Variants in CPNE2 observed in about 807,000 individuals in gnomAD.
CPNE2 encodes copine 2, also known as copine-2.
A neutral mutation model predicts 69.7 loss-of-function variants in CPNE2; 42 were observed. The observed-to-expected ratio is 0.60, with a 90% CI of 0.47 to 0.78. The LOEUF (loss-of-function observed/expected upper bound fraction) is 0.78. Among genes scored for constraint, CPNE2 ranks in the 30% least tolerant of loss-of-function variants. The pLI, the probability that CPNE2 is intolerant of heterozygous loss-of-function variation, is 0.00. For synonymous variants in CPNE2, 294 were observed against 289.8 expected, an observed-to-expected ratio of 1.01 and a Z score of -0.15; for missense variants, 587 against 732.0, an observed-to-expected ratio of 0.80 and a Z score of 2.29.
At chr16:57,126,136 C>T (rs1468966084) in intron 11 of CPNE2, 143 bp downstream of exon 11, 5 of 1,062,806 alleles carry the variant, frequency 4.7e-6, no homozygotes, top group Non-Finnish European at 6.7e-6. Flanking sequence ...TTACCCATTC[C>T]CATACCCTTG....
chr16:57,128,307 G>A (rs1445882005), intron 12 of CPNE2, among the ~76,000 whole-genome samples: 1 of 152,102 alleles, frequency 6.6e-6, no homozygotes, highest in Non-Finnish European at 1.5e-5. Flanking sequence ...TCCACTTACA[G>A]CAACCTCCGC....
intron 14 of CPNE2, chr16:57,145,855 G>C: frequency 3.5e-6 from 2 of 567,418 alleles, no homozygotes; most frequent in Non-Finnish European, 6.3e-6. Context: ...CAGGAGGGGA[G>C]AGCAGTTTGT....
At chr16:57,143,107 C>G (rs575635377) in intron 14 of CPNE2, 1 of 152,380 alleles carries the variant, frequency 6.6e-6, no homozygotes, top group Non-Finnish European at 1.5e-5. Flanking sequence ...ACCCTCCGTT[C>G]TCTCCATCTA....
At chr16:57,146,000 C>T (rs555709455) in intron 14 of CPNE2, 85 bp from the exon 15 acceptor site, 954 of 1,171,506 alleles carry the variant, frequency 8.1e-4, no homozygotes, top group Non-Finnish European at 1.1e-3. Flanking sequence ...CTCCAGGACT[C>T]GGAGGGTTTG....
chr16:57,121,086 AC>A lies in CPNE2; in HGVS notation c.682-3del. On this transcript the variant is annotated splice_region_variant and splice_polypyrimidine_tract_variant and intron_variant, in intron 7 of 15. Transcript: ENST00000290776. ...GCTCTGGGGTGACCGTGCTGAACCC[AC>A]CCCAGGTCATGTGCTACGACTATGA... 1.2e-6 allele frequency: 2 copies of A among 1,611,730 alleles called. No individual in the cohort carries two copies. The highest frequency in any genetic ancestry group is 1.7e-6 in the Non-Finnish European group (2 of 1,178,582).
At chr16:57,127,379 G>C (rs1003924468) in intron 11 of CPNE2, among the ~76,000 whole-genome samples, 4 of 152,196 alleles carry the variant, frequency 2.6e-5, no homozygotes, top group African/African-American at 9.7e-5. Flanking sequence ...GGGTGTGAAG[G>C]GGCGTGGGTG....
At chr16:57,102,194 C>T (rs1289730406) in intron 1 of CPNE2, among the ~76,000 whole-genome samples, 6 of 152,134 alleles carry the variant, frequency 3.9e-5, no homozygotes, top group African/African-American at 1.4e-4. Context: ...TCGAGATCCA[C>T]CTGCCTCGGC....
At chr16:57,134,202 C>T (rs1304684370) in intron 12 of CPNE2, among the ~76,000 whole-genome samples, 13 of 152,106 alleles carry the variant, frequency 8.5e-5, no homozygotes. Context: ...GGATGAGTCC[C>T]TAGGGAGCCT....
chr16:57,107,285 G>T (rs769842771), intron 1 of CPNE2, among the ~76,000 whole-genome samples: 27 of 152,198 alleles, frequency 1.8e-4, no homozygotes, highest in Non-Finnish European at 2.6e-4. Flanking sequence ...CTGTCCTGAT[G>T]CTCTGAGCTC....
At position 57,115,443 on chromosome 16, in the gene CPNE2, C is replaced by A. The variant is rs535037978; in HGVS notation, c.361-33C>A. 27 of 1,558,176 alleles carry A rather than the reference C, an allele frequency of 1.7e-5. No individual in the cohort carries two copies. The East Asian group carries it at 5.0e-4, about 29-fold the overall frequency. ...TTCCTTCCCGGGCTTCCCCCGCTTCCTCACTGAGCGCCCTTTCTCCTCTCT... is the reference window on the plus strand; with the variant it reads ...TTCCTTCCCGGGCTTCCCCCGCTTCATCACTGAGCGCCCTTTCTCCTCTCT... On this transcript the variant is annotated intron_variant, in intron 3 of 15. Coordinates refer to ENST00000290776, the MANE Select transcript of CPNE2 (RefSeq NM_152727.6).
intron 1 of CPNE2, among the ~76,000 whole-genome samples, chr16:57,099,303 G>A (rs1299783225): frequency 1.3e-5 from 2 of 152,230 alleles, no homozygotes; most frequent in Non-Finnish European, 2.9e-5. Flanking sequence ...TTGGCTGTAT[G>A]TGGTCTGCTG....
chr16:57,101,981 C>G (rs1260529402), intron 1 of CPNE2, among the ~76,000 whole-genome samples: 1 of 150,746 alleles, frequency 6.6e-6, no homozygotes, highest in East Asian at 1.9e-4. Flanking sequence ...GGGTCTCACT[C>G]TGTTGCCCAG....
intron 14 of CPNE2, chr16:57,145,826 T>G: frequency 2.0e-6 from 1 of 505,922 alleles, no homozygotes; most frequent in Non-Finnish European, 3.6e-6. Flanking sequence ...CAAGGGGGAG[T>G]CTAAGATAAC....
chr16:57,131,080 C>T (rs965942753), intron 12 of CPNE2, among the ~76,000 whole-genome samples: 16 of 152,266 alleles, frequency 1.1e-4, no homozygotes, highest in African/African-American at 3.4e-4. Flanking sequence ...TCCCATTTTA[C>T]AGGGCAATAA....
At position 57,123,843 on chromosome 16, in the gene CPNE2, C is replaced by T. The variant is rs2069780607; in HGVS notation, c.927+370C>T. ...TCACTGGGCTCTAACCACACTCTTC[C>T]TCTGTTTGCCCAACATGCCAAGCTT... On this transcript the variant is annotated intron_variant, in intron 10 of 15. Transcript: ENST00000290776. The T allele has an allele frequency of 2.4e-5, 7 of 293,112 alleles. No homozygotes were observed. The South Asian group carries it at 4.1e-4, about 17-fold the overall frequency. 18.2% of individuals were successfully genotyped at this position (293,112 alleles called of 1,614,324 possible).
intron 7 of CPNE2, 65 bp downstream of exon 7, chr16:57,119,715 C>A: frequency 8.8e-7 from 1 of 1,134,974 alleles, no homozygotes; most frequent in Non-Finnish European, 1.3e-6. Flanking sequence ...CTACCTGAGG[C>A]TCCCGGGGAT....
intron 9 of CPNE2, among the ~76,000 whole-genome samples, chr16:57,122,883 A>C (rs1218439636): frequency 6.7e-6 from 1 of 148,962 alleles, no homozygotes; most frequent in Non-Finnish European, 1.5e-5. Context: ...ATGAGCCACT[A>C]TACCTGGCCT....
rs532390608 is a variant in CPNE2, at chr16:57,107,527, G to A, written c.-35-3181G>A. 7.2e-5 allele frequency among the ~76,000 whole-genome samples: 11 copies of A among 152,296 alleles called. No homozygotes were observed. In the East Asian group the frequency reaches 9.7e-4, roughly 13 times the overall value. Reference sequence around the variant, plus strand: ...AGAGGCTGGCGCTCCAGAGTGCACCGTGGCCTGGGTGAAAGAGAGGAGGAG... The same window carrying A: ...AGAGGCTGGCGCTCCAGAGTGCACCATGGCCTGGGTGAAAGAGAGGAGGAG... On this transcript the variant is annotated intron_variant, in intron 1 of 15. Coordinates refer to ENST00000290776, the MANE Select transcript of CPNE2 (RefSeq NM_152727.6).
At chr16:57,094,294 A>G (rs879621665) in intron 1 of CPNE2, among the ~76,000 whole-genome samples, 5 of 152,128 alleles carry the variant, frequency 3.3e-5, no homozygotes, top group Admixed American at 6.6e-5. Flanking sequence ...GATCCAGCTT[A>G]CAGTAGGGCG....
Sources: gnomAD v4.1 joint callset for allele counts (sites outside exome capture counted in the v4.1 genomes callset) on GRCh38, gnomAD v4.1.1 for gene constraint, MANE v1.5 for transcripts, NCBI Gene and HGNC (gene_info 2026-07-23, HGNC 2026-07-21) for gene names.